Variants in GRID2 observed in about 807,000 individuals in gnomAD.
GRID2 encodes glutamate ionotropic receptor delta type subunit 2.
A neutral mutation model predicts 114.8 loss-of-function variants in GRID2; 33 were observed. The ratio of observed to expected loss-of-function variants is 0.29; its 90% CI spans 0.22 to 0.38. The LOEUF (loss-of-function observed/expected upper bound fraction) is 0.38. GRID2 is among the 10% of genes least tolerant of loss of function. GRID2 has a pLI of 1.00. For missense variants in GRID2, 1,184 were observed against 1,257.7 expected (o/e 0.94, Z 0.89); for synonymous variants, 505 against 449.9 (o/e 1.12, Z -1.55).
At chr4:93,543,125 G>C (rs1732817358) in intron 13 of GRID2, among the ~76,000 whole-genome samples, 2 of 152,114 alleles carry the variant, frequency 1.3e-5, no homozygotes, top group African/African-American at 4.8e-5. Context: ...GAAGAAATAT[G>C]ATTTAAATAA....
intron 2 of GRID2, among the ~76,000 whole-genome samples, chr4:92,866,637 G>A (rs1055239264): frequency 3.3e-5 from 5 of 151,830 alleles, no homozygotes; most frequent in Admixed American, 6.6e-5. Flanking sequence ...TCCGCCTCCC[G>A]GGTTCACGCC....
At chr4:93,516,623 G>A (rs1190111633) in intron 13 of GRID2, among the ~76,000 whole-genome samples, 1 of 152,082 alleles carries the variant, frequency 6.6e-6, no homozygotes, top group Non-Finnish European at 1.5e-5. Context: ...GGCTCCTGGA[G>A]TTTCAACATG....
intron 2 of GRID2, among the ~76,000 whole-genome samples, chr4:92,728,443 G>A (rs182755099): frequency 4.8e-4 from 73 of 151,986 alleles, no homozygotes; most frequent in Admixed American, 1.1e-3. Flanking sequence ...TTGTAAGCTC[G>A]CTCAAGTGAT....
intron 2 of GRID2, among the ~76,000 whole-genome samples, chr4:92,683,816 T>A (rs1436114334): frequency 6.6e-6 from 1 of 151,856 alleles, no homozygotes; most frequent in African/African-American, 2.4e-5. Context: ...AATAAAATAA[T>A]CTTTCTTAAT....
Position 93,001,989 on chromosome 4 carries a change from A to G in GRID2, c.245-83006A>G, listed in dbSNP as rs1317247602. On this transcript the variant is annotated intron_variant, in intron 2 of 15. Coordinates refer to ENST00000282020, the MANE Select transcript of GRID2 (RefSeq NM_001510.4). ...GCAGTGATCAAACAAAAAATTTTAC[A>G]CACTTTTTTGTGCAGGTATCTAAGT... Among the ~76,000 whole-genome samples the G allele has an allele frequency of 4.6e-5, 7 of 151,244 alleles. No homozygotes were observed. The East Asian group carries it at 9.7e-4, about 21-fold the overall frequency.
intron 8 of GRID2, among the ~76,000 whole-genome samples, chr4:93,308,558 G>A (rs1360400414): frequency 6.6e-6 from 1 of 152,116 alleles, no homozygotes; most frequent in Non-Finnish European, 1.5e-5. Flanking sequence ...GCAAGGAAAA[G>A]TCTCTTTTTT....
At chr4:93,511,545 C>T (rs957772922) in intron 12 of GRID2, among the ~76,000 whole-genome samples, 1 of 152,118 alleles carries the variant, frequency 6.6e-6, no homozygotes, top group African/African-American at 2.4e-5. Context: ...TTTCTTTTAT[C>T]ATCCACCACT....
intron 8 of GRID2, among the ~76,000 whole-genome samples, chr4:93,361,351 G>T (rs1761861821): frequency 6.6e-6 from 1 of 151,942 alleles, no homozygotes; most frequent in Non-Finnish European, 1.5e-5. Flanking sequence ...TAAATATGCT[G>T]CTTGGTCTTG....
At chr4:92,355,056 T>G (rs1427456181) in intron 1 of GRID2, among the ~76,000 whole-genome samples, 1 of 151,982 alleles carries the variant, frequency 6.6e-6, no homozygotes, top group Non-Finnish European at 1.5e-5. Flanking sequence ...TCATGGCGAC[T>G]CCTCCTCATT....
intron 2 of GRID2, among the ~76,000 whole-genome samples, chr4:93,033,468 T>C (rs968610370): frequency 2.6e-5 from 4 of 152,144 alleles, no homozygotes; most frequent in Non-Finnish European, 5.9e-5. Context: ...ACATGGAGTA[T>C]TGTGAATCAG....
chr4:92,623,346 C>T (rs1038324271), intron 2 of GRID2, among the ~76,000 whole-genome samples: 14 of 149,402 alleles, frequency 9.4e-5, no homozygotes, highest in Admixed American at 6.7e-5. Context: ...AACCCTGCGA[C>T]ACAAGGATAA....
At chr4:93,571,096 A>T (rs1018588752) in intron 13 of GRID2, among the ~76,000 whole-genome samples, 2 of 152,144 alleles carry the variant, frequency 1.3e-5, no homozygotes, top group African/African-American at 4.8e-5. Flanking sequence ...AAGAAGTTTA[A>T]ACTGAGCTCT....
chr4:93,314,003 T>C (rs1756303378), intron 8 of GRID2, among the ~76,000 whole-genome samples: 1 of 152,004 alleles, frequency 6.6e-6, no homozygotes, highest in Non-Finnish European at 1.5e-5. Context: ...TTGGAACTAT[T>C]GTATAAGAAT....
At chr4:92,330,485 T>A (rs960703265) in intron 1 of GRID2, among the ~76,000 whole-genome samples, 1 of 152,090 alleles carries the variant, frequency 6.6e-6, no homozygotes, top group Non-Finnish European at 1.5e-5. Context: ...GGATCTATCA[T>A]ACTACTTGGG....
Position 93,773,964 on chromosome 4 carries a change from A to C in GRID2, c.*1466A>C, listed in dbSNP as rs1165789842. 6.6e-6 allele frequency: 1 copy of C among 152,132 alleles called. No homozygotes were observed. The highest frequency in any genetic ancestry group is 1.5e-5 in the Non-Finnish European group (1 of 67,968). 9.4% of individuals were successfully genotyped at this position (152,132 alleles called of 1,614,324 possible). ...AGAATGAACTTTGTTTGTAATCCTT[A>C]AATTAAAATGTGGTAAGTAGGAAGC... is the stretch of plus-strand genomic sequence containing the variant. On this transcript the variant is annotated 3_prime_UTR_variant, in exon 16 of 16. Transcript: ENST00000282020.
chr4:92,610,582 C>T (rs1341250996), intron 2 of GRID2, among the ~76,000 whole-genome samples: 1 of 151,520 alleles, frequency 6.6e-6, no homozygotes, highest in Non-Finnish European at 1.5e-5. Context: ...GTCCTTCACG[C>T]TGTACTGAGA....
chr4:92,645,838 C>A (rs185134479), intron 2 of GRID2, among the ~76,000 whole-genome samples: 5 of 151,776 alleles, frequency 3.3e-5, no homozygotes, highest in African/African-American at 9.7e-5. Context: ...AATTAGATCA[C>A]AGGTTGTTTT....
chr4:92,592,549 A>G (rs1005010305), intron 2 of GRID2, among the ~76,000 whole-genome samples: 2 of 152,136 alleles, frequency 1.3e-5, no homozygotes, highest in African/African-American at 2.4e-5. Context: ...ATATCTTGCA[A>G]TAGTGACGTG....
At chr4:93,535,198 A>G (rs556700539) in intron 13 of GRID2, among the ~76,000 whole-genome samples, 2 of 150,670 alleles carry the variant, frequency 1.3e-5, no homozygotes, top group Non-Finnish European at 3.0e-5. Flanking sequence ...TTTAGTAGTT[A>G]AATACATTCC....
Sources: gnomAD v4.1 joint callset for allele counts (sites outside exome capture counted in the v4.1 genomes callset) on GRCh38, gnomAD v4.1.1 for gene constraint, MANE v1.5 for transcripts, NCBI Gene and HGNC (gene_info 2026-07-23, HGNC 2026-07-21) for gene names.